The following MRPS31 variants were observed in gnomAD, a reference collection of about 807,000 sequenced individuals.
MRPS31 encodes the protein small ribosomal subunit protein mS31.
In MRPS31, 32 loss-of-function variants were observed where a neutral mutation model predicts 43.1. The ratio of observed to expected loss-of-function variants is 0.74; its 90% confidence interval spans 0.56 to 1.00. MRPS31 has a LOEUF of 1.00. Among genes scored for constraint, MRPS31 ranks in the 50% least tolerant of loss-of-function variants. The pLI, the probability that MRPS31 is intolerant of heterozygous loss-of-function variation, is 0.00. For missense variants in MRPS31, 437 were observed against 466.7 expected (o/e 0.94, Z 0.59); for synonymous variants, 165 against 161.6 (o/e 1.02, Z -0.16).
intron 6 of MRPS31, among the ~76,000 whole-genome samples, chr13:40,747,767 C>T (rs1341539236): frequency 1.3e-5 from 2 of 152,040 alleles, no homozygotes; most frequent in South Asian, 2.1e-4. Context: ...TGCTTGAACC[C>T]GGGAGGAGGA....
In MRPS31 at chr13:40,729,350, T is replaced by G. The variant is rs1453428567; in HGVS notation, c.*22A>C. ...GTTGTAATATCCATCTCTAATTGTT[T>G]GAAATAAAAATTTCCATGGTCTTAA... On this transcript the variant is annotated 3_prime_UTR_variant, in exon 7 of 7. Coordinates refer to ENST00000323563, the MANE Select transcript of MRPS31 (RefSeq NM_005830.4). The G allele has an allele frequency of 8.1e-7, 1 of 1,227,028 alleles. No homozygotes were observed. Among genetic ancestry groups the G allele is most frequent in the Non-Finnish European group, 1.2e-6 (1 of 867,230 alleles). 76.0% of individuals were successfully genotyped at this position (1,227,028 alleles called of 1,614,324 possible). A position where few individuals can be genotyped will look rare whatever the true frequency, so the allele number is the denominator to read the frequency against.
intron 5 of MRPS31, among the ~76,000 whole-genome samples, chr13:40,753,632 A>G (rs1430803304): frequency 6.6e-6 from 1 of 152,172 alleles, no homozygotes; most frequent in Non-Finnish European, 1.5e-5. Context: ...CAAACATCCC[A>G]GGGCATACCT....
At chr13:40,731,729 T>C (rs1290574267) in intron 6 of MRPS31, among the ~76,000 whole-genome samples, 1 of 152,188 alleles carries the variant, frequency 6.6e-6, no homozygotes, top group African/African-American at 2.4e-5. Flanking sequence ...ATAAACCAAC[T>C]ATATGCTGTT....
chr13:40,758,976 G>A lies in MRPS31; in HGVS notation c.571C>T (p.Gln191Ter). ...ATTTTAGGTCGCTTTGCATCTCTCTGTGCCCTTGACTCTTCCTCATGCTGC... is the reference window on the plus strand; with the variant it reads ...ATTTTAGGTCGCTTTGCATCTCTCTATGCCCTTGACTCTTCCTCATGCTGC... The part of the protein sequence containing the change: ...LQQHEEESRA[Q>*]RDAKRPKISF... The change falls in exon 3 of 7, where the codon CAG becomes TAG. Residue 191 changes from glutamine to a stop codon, truncating the protein, a stop_gained. Coordinates refer to ENST00000323563, the MANE Select transcript of MRPS31 (RefSeq NM_005830.4). LOFTEE classifies it high-confidence loss of function. 1 of 1,601,606 alleles carries A rather than the reference G, an allele frequency of 6.2e-7. No individual in the cohort carries two copies. The highest frequency in any genetic ancestry group is 8.5e-7 in the Non-Finnish European group (1 of 1,175,830).
chr13:40,749,665 C>A (rs2138005425), intron 5 of MRPS31: 1 of 153,898 alleles, frequency 6.5e-6, no homozygotes, highest in South Asian at 2.1e-4. Context: ...AAATGTACTA[C>A]TGTTAACAAC....
chr13:40,733,237 C>A (rs1464552319), intron 6 of MRPS31, among the ~76,000 whole-genome samples: 1 of 152,032 alleles, frequency 6.6e-6, no homozygotes, highest in Non-Finnish European at 1.5e-5. Flanking sequence ...CTCCTGACCT[C>A]AGGTGATCCG....
At chr13:40,739,190 T>A (rs1271450627) in intron 6 of MRPS31, among the ~76,000 whole-genome samples, 1 of 152,114 alleles carries the variant, frequency 6.6e-6, no homozygotes, top group East Asian at 1.9e-4. Context: ...CATTCACAAT[T>A]GCTTCAAAGA....
intron 6 of MRPS31, among the ~76,000 whole-genome samples, chr13:40,741,802 G>T (rs930372265): frequency 6.6e-6 from 1 of 151,034 alleles, no homozygotes; most frequent in African/African-American, 2.4e-5. Context: ...CATAACAATG[G>T]GACATATAGA....
At chr13:40,767,607 G>A (rs1245559511) in intron 1 of MRPS31, among the ~76,000 whole-genome samples, 1 of 152,202 alleles carries the variant, frequency 6.6e-6, no homozygotes, top group Non-Finnish European at 1.5e-5. Flanking sequence ...ATAAGTAGAG[G>A]TGTGCTGAGA....
At chr13:40,757,251 G>C (rs142912759) in intron 3 of MRPS31, among the ~76,000 whole-genome samples, 160 of 151,514 alleles carry the variant, frequency 1.1e-3, no homozygotes, top group African/African-American at 3.5e-3. Flanking sequence ...CATTTAAAAC[G>C]TAAGTGTCTC....
chr13:40,735,912 C>T (rs1242587814), intron 6 of MRPS31, among the ~76,000 whole-genome samples: 2 of 150,236 alleles, frequency 1.3e-5, no homozygotes, highest in East Asian at 3.9e-4. Context: ...TCACCAGCAA[C>T]GGAACAAAGC....
rs1309699663 is a variant in MRPS31, at chr13:40,763,351, C to T, written c.440+3395G>A. On this transcript the variant is annotated intron_variant, in intron 2 of 6. Transcript: ENST00000323563. ...TCTTAGAGTAAGGATATGAGATCTGCAAGCTGCCTGGCTTACTGCCCCACA... is the reference window on the plus strand; with the variant it reads ...TCTTAGAGTAAGGATATGAGATCTGTAAGCTGCCTGGCTTACTGCCCCACA... 2.6e-5 allele frequency among the ~76,000 whole-genome samples: 4 copies of T among 152,174 alleles called. No homozygotes were observed. The South Asian group carries it at 6.2e-4, about 24-fold the overall frequency.
In MRPS31 at chr13:40,749,139, T is replaced by C. The variant is rs747615015; in HGVS notation, c.957A>G (p.Ala319=). The C allele has an allele frequency of 6.3e-7, 1 of 1,594,054 alleles. No individual in the cohort carries two copies. Among genetic ancestry groups the C allele is most frequent in the Non-Finnish European group, 8.5e-7 (1 of 1,175,404 alleles). ...KLWEFPINNE[A]GFDDDGSEFH... is the part of the protein sequence containing the mutation. ...TAATCCCCTGAAATTAACACTTACC[T>C]GCTTCATTGTTAATTGGGAACTCCC... The change falls in exon 6 of 7, where the codon GCA becomes GCG. Residue 319 remains alanine, a splice_region_variant and synonymous_variant. Coordinates refer to ENST00000323563, the MANE Select transcript of MRPS31 (RefSeq NM_005830.4).
At chr13:40,762,887 A>G (rs1195152094) in intron 2 of MRPS31, among the ~76,000 whole-genome samples, 2 of 150,794 alleles carry the variant, frequency 1.3e-5, no homozygotes, top group Non-Finnish European at 2.9e-5. Flanking sequence ...ATTTTAATGT[A>G]GGAAGCAGAG....
chr13:40,745,211 T>TGC (rs1334939182), intron 6 of MRPS31, among the ~76,000 whole-genome samples: 3 of 152,144 alleles, frequency 2.0e-5, no homozygotes. Flanking sequence ...CATGAGCCAC[T>TGC]GCGCCCGGCC....
chr13:40,766,646 T>C (rs1880856086), intron 2 of MRPS31, 100 bp downstream of exon 2: 5 of 1,160,512 alleles, frequency 4.3e-6, no homozygotes, highest in African/African-American at 1.6e-5. Flanking sequence ...TATTCTTCAT[T>C]AATTCAACAT....
Position 40,739,042 on chromosome 13 carries a change from T to C in MRPS31, c.959-9441A>G, listed in dbSNP as rs543094654. Among the ~76,000 whole-genome samples the C allele has an allele frequency of 3.2e-3, 494 of 152,280 alleles. 5 individuals carry two copies. The highest frequency in any genetic ancestry group is 0.011 in the African/African-American group (464 of 41,548). Reference sequence around the variant, plus strand: ...ATGATTGTATATCTAGAAAACCCCATTGTCTCAGCCCAATATCTCCTTAAG... The same window carrying C: ...ATGATTGTATATCTAGAAAACCCCACTGTCTCAGCCCAATATCTCCTTAAG... On this transcript the variant is annotated intron_variant, in intron 6 of 6. Transcript: ENST00000323563.
At chr13:40,756,696 G>A (rs777505155) in intron 4 of MRPS31, among the ~76,000 whole-genome samples, 177 bp downstream of exon 4, 14 of 152,196 alleles carry the variant, frequency 9.2e-5, no homozygotes, top group Admixed American at 2.0e-4. Flanking sequence ...GCTAAATCCA[G>A]CACATGGTTC....
At chr13:40,762,414 CTAAT>C (rs1309816338) in intron 2 of MRPS31, among the ~76,000 whole-genome samples, 1 of 151,524 alleles carries the variant, frequency 6.6e-6, no homozygotes, top group Non-Finnish European at 1.5e-5. Context: ...GAGTTCTTCC[CTAAT>C]TATTCTTAAA....
Sources: allele counts gnomAD v4.1 joint callset (sites outside exome capture counted in the v4.1 genomes callset), GRCh38; gene constraint gnomAD v4.1.1; transcripts MANE v1.5; gene names NCBI Gene and HGNC (gene_info 2026-07-23, HGNC 2026-07-21).